The following ZNF248 variants were observed in gnomAD, a reference collection of about 807,000 sequenced individuals.
The protein encoded by ZNF248 is zinc finger protein 248.
ZNF248 carries 20 observed loss-of-function variants against 44.3 expected under a neutral mutation model. That is an observed-to-expected ratio of 0.45 (90% confidence interval 0.32 to 0.66). The LOEUF (loss-of-function observed/expected upper bound fraction) is 0.66. Ranked by LOEUF, ZNF248 falls within the 30% of genes least tolerant of loss-of-function variation. The probability of loss-of-function intolerance (pLI) is 0.04; values close to 1 mark genes in which losing one functional copy is unlikely to be tolerated. For missense variants in ZNF248, 654 were observed against 677.0 expected (o/e 0.97, Z 0.38); for synonymous variants, 224 against 229.0 (o/e 0.98, Z 0.20).
intron 3 of ZNF248, among the ~76,000 whole-genome samples, chr10:37,840,439 A>T (rs1177236066): frequency 2.0e-5 from 3 of 152,232 alleles, no homozygotes; most frequent in African/African-American, 7.2e-5. Context: ...GCTCACCATC[A>T]TGTGTCATTA....
chr10:37,784,552 AAAT>A (rs747519876), intron 6 of ZNF248, among the ~76,000 whole-genome samples: 120 of 152,334 alleles, frequency 7.9e-4, no homozygotes, highest in Non-Finnish European at 1.3e-3. Context: ...TTACTAGAAA[AAAT>A]AATAATCTCT....
chr10:37,846,847 A>C (rs1229337904), intron 3 of ZNF248, among the ~76,000 whole-genome samples: 1 of 152,220 alleles, frequency 6.6e-6, no homozygotes, highest in Non-Finnish European at 1.5e-5. Flanking sequence ...TCTTCAATAA[A>C]TACACTACAG....
chr10:37,783,615 A>G (rs1390951967), intron 6 of ZNF248, among the ~76,000 whole-genome samples: 1 of 152,246 alleles, frequency 6.6e-6, no homozygotes, highest in East Asian at 1.9e-4. Flanking sequence ...GGCTTACACA[A>G]TAAAAAACAG....
the ZNF248 span, among the ~76,000 whole-genome samples, chr10:37,759,934 A>G: frequency 6.6e-6 from 1 of 152,124 alleles, no homozygotes; most frequent in East Asian, 1.9e-4. Flanking sequence ...GGCAGGGAGG[A>G]GGCAAAATCA....
rs1589607690 is a variant in ZNF248, at chr10:37,830,891, G to T, written c.*724C>A. 8.9e-6 allele frequency: 2 copies of T among 223,928 alleles called. No individual in the cohort carries two copies. The highest frequency in any genetic ancestry group is 5.7e-5 in the Admixed American group (1 of 17,486). The allele number at this position is 223,928 out of a possible 1,614,324, so 13.9% of individuals were successfully genotyped here. A position where few individuals can be genotyped will look rare whatever the true frequency, so the allele number is the denominator to read the frequency against. ...GTATTTATTACCTTTGTTTTTAACT[G>T]TAAGTTTACATATTTTAAATAATGA... On this transcript the variant is annotated 3_prime_UTR_variant, in exon 6 of 6. Transcript: ENST00000395867.
chr10:37,814,717 T>C (rs2052142062), intron 6 of ZNF248, among the ~76,000 whole-genome samples: 1 of 152,204 alleles, frequency 6.6e-6, no homozygotes, highest in South Asian at 2.1e-4. Flanking sequence ...CCCACTGCCT[T>C]CTGGCCTCCA....
downstream of ZNF248, chr10:37,828,737 C>A (rs2133813734): frequency 2.0e-6 from 2 of 985,320 alleles, no homozygotes; most frequent in South Asian, 9.4e-5. Context: ...CAAACTAACA[C>A]AAGAAAGGGT....
downstream of ZNF248, among the ~76,000 whole-genome samples, chr10:37,824,099 T>C (rs2133709975): frequency 6.6e-6 from 1 of 152,206 alleles, no homozygotes; most frequent in South Asian, 2.1e-4. Context: ...CAGGTTGAGT[T>C]AGCAAACTCG....
chr10:37,821,101 G>T, intron 6 of ZNF248: 1 of 566,052 alleles, frequency 1.8e-6, no homozygotes, highest in Non-Finnish European at 3.1e-6. Flanking sequence ...TCCTCATGCT[G>T]CCATTGTGGA....
At chr10:37,767,543 G>C in the ZNF248 span, among the ~76,000 whole-genome samples, 2 of 152,218 alleles carry the variant, frequency 1.3e-5, no homozygotes, top group Non-Finnish European at 2.9e-5. Context: ...AAGTGAAGGA[G>C]AAATAAAATA....
chr10:37,769,946 TACAAAAATCACA>T, the ZNF248 span, among the ~76,000 whole-genome samples: 1 of 152,176 alleles, frequency 6.6e-6, no homozygotes, highest in African/African-American at 2.4e-5. Flanking sequence ...AAAATCAATG[TACAAAAATCACA>T]AGCATTCTTA....
intron 6 of ZNF248, among the ~76,000 whole-genome samples, chr10:37,785,242 C>A (rs887880387): frequency 6.6e-6 from 1 of 152,258 alleles, no homozygotes; most frequent in East Asian, 1.9e-4. Flanking sequence ...GATTCTGGAG[C>A]AAAACTATGC....
chr10:37,784,930 C>A (rs1208774), intron 6 of ZNF248, among the ~76,000 whole-genome samples: 1 of 152,074 alleles, frequency 6.6e-6, no homozygotes, highest in Admixed American at 6.5e-5. Flanking sequence ...CTTACCCCAC[C>A]GTTAAGATCA....
downstream of ZNF248, among the ~76,000 whole-genome samples, chr10:37,824,047 T>C (rs974321286): frequency 6.6e-6 from 1 of 152,088 alleles, no homozygotes; most frequent in Non-Finnish European, 1.5e-5. Context: ...TGATAAGGAA[T>C]TGGCTCACCT....
At chr10:37,824,044 G>A (rs1013641631), downstream of ZNF248, among the ~76,000 whole-genome samples, 2 of 152,084 alleles carry the variant, frequency 1.3e-5, no homozygotes, top group African/African-American at 4.8e-5. Flanking sequence ...TTATGATAAG[G>A]AATTGGCTCA....
At chr10:37,787,140 A>G (rs1417253868) in intron 6 of ZNF248, among the ~76,000 whole-genome samples, 1 of 152,062 alleles carries the variant, frequency 6.6e-6, no homozygotes, top group Non-Finnish European at 1.5e-5. Flanking sequence ...TTAGCCGGGC[A>G]TGGTGGTACA....
rs1266273197 is a variant in ZNF248, at chr10:37,792,544, CTG to C, written c.331-15971_331-15970del. ...AAACAAGAGTATGGAAAGGAAAACA[CTG>C]TAACTTTACAGGTGAGAAACCAGAC... is the stretch of plus-strand genomic sequence containing the variant. On this transcript the variant is annotated intron_variant, in intron 6 of 6. Transcript: ENST00000615949. 3.3e-5 allele frequency among the ~76,000 whole-genome samples: 5 copies of C among 152,300 alleles called. No homozygotes were observed. The East Asian group carries it at 9.7e-4, about 29-fold the overall frequency.
chr10:37,765,867 G>T, the ZNF248 span, among the ~76,000 whole-genome samples: 2 of 152,226 alleles, frequency 1.3e-5, no homozygotes, highest in African/African-American at 4.8e-5. Context: ...GTCAAAGAAA[G>T]GGGTGACAGA....
At chr10:37,840,035 A>C (rs899974965) in intron 3 of ZNF248, among the ~76,000 whole-genome samples, 6 of 152,218 alleles carry the variant, frequency 3.9e-5, no homozygotes, top group African/African-American at 1.4e-4. Flanking sequence ...ACGGCTGAAA[A>C]ATCCTCCAAA....
Sources: allele counts gnomAD v4.1 joint callset (sites outside exome capture counted in the v4.1 genomes callset), GRCh38; gene constraint gnomAD v4.1.1; transcripts MANE v1.5; gene names NCBI Gene and HGNC (gene_info 2026-07-23, HGNC 2026-07-21).